NDUFB6: variants seen among roughly 807,000 people sequenced by gnomAD.
NDUFB6 encodes the protein NADH:ubiquinone oxidoreductase subunit B6.
NDUFB6 carries 23 observed loss-of-function variants against 17.5 expected under a neutral mutation model. The ratio of observed to expected loss-of-function variants is 1.31; its 90% CI spans 0.94 to 1.86. The LOEUF (loss-of-function observed/expected upper bound fraction) is 1.86, where lower values mean the gene tolerates loss of function less well. NDUFB6 is among the 40% of genes most tolerant of loss of function. The pLI, the probability that NDUFB6 is intolerant of heterozygous loss-of-function variation, is 0.00. For synonymous variants in NDUFB6, 60 were observed against 53.5 expected (o/e 1.12, Z -0.53); for missense variants, 167 against 153.8 (o/e 1.09, Z -0.46).
intron 3 of NDUFB6, among the ~76,000 whole-genome samples, chr9:32,557,060 G>A (rs1439767169): frequency 6.6e-6 from 1 of 150,430 alleles, no homozygotes; most frequent in African/African-American, 2.4e-5. Context: ...GTTTCACCAT[G>A]TTGGCCAGGC....
chr9:32,566,970 G>A lies in NDUFB6; in HGVS notation c.273+3990C>T, dbSNP rs188811399. On this transcript the variant is annotated intron_variant, in intron 2 of 3. Transcript: ENST00000379847. ...TGAGCAGCACCAGCTCGGCATCGTC[G>A]AGGACGCTTCGGTCAGCTCCATGCC... 2,978 of 514,870 alleles carry A rather than the reference G, an allele frequency of 5.8e-3. 23 individuals carry two copies. The highest frequency in any genetic ancestry group is 8.3e-3 in the Non-Finnish European group (2,201 of 265,560). The allele number at this position is 514,870 out of a possible 1,614,324, so 31.9% of individuals were successfully genotyped here.
At chr9:32,558,462 A>G (rs1821534212) in intron 3 of NDUFB6, among the ~76,000 whole-genome samples, 1 of 152,216 alleles carries the variant, frequency 6.6e-6, no homozygotes, top group Non-Finnish European at 1.5e-5. Flanking sequence ...TCACAGATGG[A>G]GAACTTAAGG....
intron 2 of NDUFB6, among the ~76,000 whole-genome samples, chr9:32,563,262 TTC>T (rs1011960540): frequency 3.0e-4 from 46 of 152,266 alleles, no homozygotes; most frequent in Admixed American, 2.7e-3. Flanking sequence ...AAGATACTCT[TTC>T]TCTCTTTGTA....
chr9:32,570,265 C>T (rs998841142), intron 2 of NDUFB6, among the ~76,000 whole-genome samples: 1 of 152,200 alleles, frequency 6.6e-6, no homozygotes, highest in African/African-American at 2.4e-5. Flanking sequence ...TCCTCCCCTG[C>T]AACCCACTGA....
chr9:32,571,884 A>G (rs1361597435), intron 1 of NDUFB6, among the ~76,000 whole-genome samples: 3 of 152,220 alleles, frequency 2.0e-5, no homozygotes, highest in Non-Finnish European at 2.9e-5. Context: ...TAAGTATCCA[A>G]TATCACTTTC....
chr9:32,566,078 A>T (rs1045462585), intron 2 of NDUFB6: 28 of 445,964 alleles, frequency 6.3e-5, no homozygotes, highest in Middle Eastern at 5.1e-4. Flanking sequence ...ACCAAAAAAA[A>T]AAAAAGGCAC....
chr9:32,568,498 G>A lies in NDUFB6; in HGVS notation c.273+2462C>T, dbSNP rs763722693. 82 of 200,820 alleles carry A rather than the reference G, an allele frequency of 4.1e-4. 3 individuals are homozygous for A. In the Middle Eastern group the frequency reaches 0.016, roughly 40 times the overall value. The allele number at this position is 200,820 out of a possible 1,614,324, so 12.4% of individuals were successfully genotyped here. On this transcript the variant is annotated intron_variant, in intron 2 of 3. Transcript: ENST00000379847. Reference sequence around the variant, plus strand: ...ACATAATCTTAGTTGATAAAGCAGCGGCATGGTTTGAAAGGCCTGACTCCA... The same window carrying A: ...ACATAATCTTAGTTGATAAAGCAGCAGCATGGTTTGAAAGGCCTGACTCCA...
Position 32,559,188 on chromosome 9 carries a change from C to A in NDUFB6, c.274-234G>T, listed in dbSNP as rs536802070. On this transcript the variant is annotated intron_variant, in intron 2 of 3. Coordinates refer to ENST00000379847, the MANE Select transcript of NDUFB6 (RefSeq NM_002493.5). Reference sequence around the variant, plus strand: ...CCAAACTGTTCCTCCCCATGTCCCCCATCTCAGTAAATGACACTCTTATTC... The same window carrying A: ...CCAAACTGTTCCTCCCCATGTCCCCAATCTCAGTAAATGACACTCTTATTC... Among the ~76,000 whole-genome samples the A allele has an allele frequency of 7.6e-4, 116 of 152,262 alleles. No individual in the cohort carries two copies. The Middle Eastern group carries it at 0.01, about 13-fold the overall frequency.
At chr9:32,561,677 C>A (rs1365682048) in intron 2 of NDUFB6, among the ~76,000 whole-genome samples, 1 of 152,122 alleles carries the variant, frequency 6.6e-6, no homozygotes, top group Non-Finnish European at 1.5e-5. Flanking sequence ...CCTTCCAATA[C>A]CCTACTTGTA....
At chr9:32,557,211 C>G (rs1314808332) in intron 3 of NDUFB6, among the ~76,000 whole-genome samples, 4 of 145,814 alleles carry the variant, frequency 2.7e-5, no homozygotes, top group African/African-American at 1.0e-4. Flanking sequence ...GTGACCCAGG[C>G]TGGAGTGCAG....
chr9:32,555,773 G>A (rs537398029), intron 3 of NDUFB6, among the ~76,000 whole-genome samples: 6 of 152,230 alleles, frequency 3.9e-5, no homozygotes, highest in Non-Finnish European at 8.8e-5. Flanking sequence ...TGTGGTCTAG[G>A]TAGATAATGA....
intron 2 of NDUFB6, among the ~76,000 whole-genome samples, chr9:32,561,572 AC>A (rs1563993977): frequency 6.6e-6 from 1 of 151,468 alleles, no homozygotes; most frequent in Non-Finnish European, 1.5e-5. Flanking sequence ...CAAGCAATCC[AC>A]CCGCCTCAGC....
chr9:32,554,128 G>A (rs1246463905), intron 3 of NDUFB6, among the ~76,000 whole-genome samples, 184 bp from the exon 4 acceptor site: 1 of 152,054 alleles, frequency 6.6e-6, no homozygotes, highest in Non-Finnish European at 1.5e-5. Flanking sequence ...AAAATTTTAA[G>A]GTATAGTGAA....
intron 2 of NDUFB6, chr9:32,567,511 G>A: frequency 2.4e-6 from 1 of 424,378 alleles, no homozygotes; most frequent in Non-Finnish European, 4.8e-6. Flanking sequence ...TTTTAGTAGA[G>A]ATGGGGTTTC....
chr9:32,558,516 T>C (rs887503394), intron 3 of NDUFB6, among the ~76,000 whole-genome samples: 4 of 152,206 alleles, frequency 2.6e-5, no homozygotes, highest in Non-Finnish European at 5.9e-5. Context: ...ACATGAGAGT[T>C]TGGAATTAAT....
In NDUFB6 at chr9:32,553,635, C is replaced by T; in HGVS notation, c.*241G>A. ...AACAAACATGTAACTAAATACTTTT[C>T]CATACCGTTTTCCAAGTCAAGAATG... On this transcript the variant is annotated 3_prime_UTR_variant, in exon 4 of 4. Coordinates refer to ENST00000379847, the MANE Select transcript of NDUFB6 (RefSeq NM_002493.5). The T allele has an allele frequency of 2.2e-6, 1 of 460,390 alleles. No homozygotes were observed. The highest frequency in any genetic ancestry group is 3.9e-6 in the Non-Finnish European group (1 of 257,172). 28.5% of individuals were successfully genotyped at this position (460,390 alleles called of 1,614,324 possible).
intron 2 of NDUFB6, chr9:32,566,772 A>T: frequency 1.1e-6 from 1 of 909,840 alleles, no homozygotes; most frequent in Admixed American, 1.7e-5. Flanking sequence ...GTCGGCTGCG[A>T]CGTTCTGGCT....
chr9:32,558,849 G>T (rs878938649), intron 3 of NDUFB6, 61 bp downstream of exon 3: 2 of 1,161,970 alleles, frequency 1.7e-6, no homozygotes, highest in South Asian at 3.0e-5. Context: ...TGCTTGGAAA[G>T]GGAGGAAAAG....
intron 2 of NDUFB6, chr9:32,566,980 C>T (rs955498069): frequency 1.8e-5 from 9 of 505,966 alleles, no homozygotes; most frequent in African/African-American, 9.6e-5. Context: ...GAGGACGCTT[C>T]GGTCAGCTCC....
Sources: allele counts gnomAD v4.1 joint callset (sites outside exome capture counted in the v4.1 genomes callset), GRCh38; gene constraint gnomAD v4.1.1; transcripts MANE v1.5; gene names NCBI Gene and HGNC (gene_info 2026-07-23, HGNC 2026-07-21).